The following ZNRF1 variants were observed in gnomAD, a reference collection of about 807,000 sequenced individuals.
ZNRF1 encodes the protein zinc and ring finger 1.
In ZNRF1, 3 loss-of-function variants were observed where a neutral mutation model predicts 18.4. The observed-to-expected ratio is 0.16, with a 90% confidence interval of 0.07 to 0.42. The LOEUF (loss-of-function observed/expected upper bound fraction) is 0.42, where lower values mean the gene tolerates loss of function less well. Ranked by LOEUF, ZNRF1 falls within the 10% of genes least tolerant of loss-of-function variation. ZNRF1 has a pLI of 0.99. For missense variants in ZNRF1, 310 were observed against 329.8 expected (o/e 0.94, Z 0.47); for synonymous variants, 157 against 144.2 (o/e 1.09, Z -0.64).
intron 2 of ZNRF1, chr16:75,095,854 A>G (rs1037108550): frequency 3.9e-6 from 4 of 1,027,886 alleles, no homozygotes; most frequent in Non-Finnish European, 5.2e-6. Flanking sequence ...CTGTTGGTTT[A>G]CCCCCCTACA....
In ZNRF1 at chr16:75,109,555, AAAG is replaced by A. The variant is rs542206414; in HGVS notation, c.*1860_*1862del. 1,251 of 152,976 alleles carry A rather than the reference AAAG, an allele frequency of 8.2e-3. 8 individuals carry two copies. The highest frequency in any genetic ancestry group is 0.012 in the Non-Finnish European group (788 of 68,288). The allele number at this position is 152,976 out of a possible 1,614,324, so 9.5% of individuals were successfully genotyped here. A position where few individuals can be genotyped will look rare whatever the true frequency, so the allele number is the denominator to read the frequency against. ...GAGCCAGGGCCAGCGGAGAAACACT[AAAG>A]AAGACTCGGTGGTTCAGAGCCTGGG... On this transcript the variant is annotated 3_prime_UTR_variant, in exon 5 of 5. Transcript: ENST00000335325.
intron 1 of ZNRF1, among the ~76,000 whole-genome samples, chr16:75,035,378 T>C (rs1175043847): frequency 6.6e-6 from 1 of 152,176 alleles, no homozygotes; most frequent in East Asian, 1.9e-4. Flanking sequence ...ATTTTTCTCT[T>C]TTTTGAGACA....
At chr16:75,003,180 T>G (rs927286130) in intron 1 of ZNRF1, among the ~76,000 whole-genome samples, 1 of 152,248 alleles carries the variant, frequency 6.6e-6, no homozygotes, top group African/African-American at 2.4e-5. Context: ...CAGGCTGGTC[T>G]CAAACTCCCG....
chr16:75,091,814 G>A (rs1476343972), intron 1 of ZNRF1, among the ~76,000 whole-genome samples: 8 of 151,968 alleles, frequency 5.3e-5, no homozygotes, highest in Non-Finnish European at 1.2e-4. Flanking sequence ...TGGAATTACA[G>A]GCATGCACGA....
chr16:75,067,613 T>C (rs2035821732), intron 1 of ZNRF1, among the ~76,000 whole-genome samples: 1 of 152,030 alleles, frequency 6.6e-6, no homozygotes, highest in African/African-American at 2.4e-5. Flanking sequence ...AAACAGGTAA[T>C]AGACAAATGA....
In ZNRF1 at chr16:75,110,029, C is replaced by A. The variant is rs1163370876; in HGVS notation, c.*2329C>A. Reference sequence around the variant, plus strand: ...CCGCCTTGGCGGCTTAAGCCTGCTGCTTTGGCAGTGCCATGGGTGAGCCGA... The same window carrying A: ...CCGCCTTGGCGGCTTAAGCCTGCTGATTTGGCAGTGCCATGGGTGAGCCGA... On this transcript the variant is annotated 3_prime_UTR_variant, in exon 5 of 5. Coordinates refer to ENST00000335325, the MANE Select transcript of ZNRF1 (RefSeq NM_032268.5). 6.6e-6 allele frequency: 1 copy of A among 152,460 alleles called. No homozygotes were observed. Among genetic ancestry groups the A allele is most frequent in the Non-Finnish European group, 1.5e-5 (1 of 68,206 alleles). 9.4% of individuals were successfully genotyped at this position (152,460 alleles called of 1,614,324 possible). A position where few individuals can be genotyped will look rare whatever the true frequency, so the allele number is the denominator to read the frequency against.
chr16:75,088,624 G>A (rs946690489), intron 1 of ZNRF1, among the ~76,000 whole-genome samples: 3 of 152,178 alleles, frequency 2.0e-5, no homozygotes, highest in South Asian at 2.1e-4. Context: ...CACAGCACAC[G>A]AGCAAGAGCG....
intron 1 of ZNRF1, among the ~76,000 whole-genome samples, chr16:75,048,877 C>T (rs1231232588): frequency 2.0e-5 from 3 of 152,148 alleles, no homozygotes; most frequent in East Asian, 3.8e-4. Context: ...ATAATCCTTA[C>T]ATTCATTGAA....
At chr16:75,073,436 T>A (rs2035898823) in intron 1 of ZNRF1, among the ~76,000 whole-genome samples, 1 of 152,058 alleles carries the variant, frequency 6.6e-6, no homozygotes, top group African/African-American at 2.4e-5. Flanking sequence ...ATTCATACAT[T>A]GATCTGTTTT....
At chr16:75,093,513 T>G in intron 1 of ZNRF1, 59 bp from the exon 2 acceptor site, 2 of 1,326,022 alleles carry the variant, frequency 1.5e-6, no homozygotes, top group Non-Finnish European at 2.2e-6. Context: ...AGTGTCCACA[T>G]GTACTGTGGA....
intron 1 of ZNRF1, among the ~76,000 whole-genome samples, chr16:75,060,194 C>T (rs1192044278): frequency 6.6e-6 from 1 of 151,784 alleles, no homozygotes; most frequent in African/African-American, 2.4e-5. Context: ...GCTGGAACTA[C>T]AGGCGCGCAT....
chr16:75,064,511 G>A (rs1187738680), intron 1 of ZNRF1, among the ~76,000 whole-genome samples: 2 of 151,324 alleles, frequency 1.3e-5, no homozygotes, highest in East Asian at 1.9e-4. Flanking sequence ...AGCCAAGATC[G>A]TGCCATTGCA....
chr16:75,008,560 TCTGA>T (rs2034953858), intron 1 of ZNRF1, among the ~76,000 whole-genome samples: 1 of 152,214 alleles, frequency 6.6e-6, no homozygotes. Context: ...TTTCCTTTTC[TCTGA>T]CTGACCCAAA....
At chr16:75,005,707 G>A (rs2034908389) in intron 1 of ZNRF1, among the ~76,000 whole-genome samples, 1 of 152,026 alleles carries the variant, frequency 6.6e-6, no homozygotes, top group Non-Finnish European at 1.5e-5. Context: ...TTATAAATTA[G>A]GCACAATAAA....
intron 1 of ZNRF1, among the ~76,000 whole-genome samples, chr16:75,089,296 A>G (rs902025244): frequency 6.6e-6 from 1 of 151,936 alleles, no homozygotes; most frequent in Admixed American, 6.6e-5. Flanking sequence ...TTTAATAGAG[A>G]CGGGGTCTCC....
rs572596765 is a variant in ZNRF1 at position 75,021,812 on chromosome 16, ATCTGT to A, written c.424+21719_424+21723del. ...TTCCGGATTTAATTTATTTTTATAC[ATCTGT>A]TTGCTATTTGTCCTTGAATATCAAA... On this transcript the variant is annotated intron_variant, in intron 1 of 4. Transcript: ENST00000335325. 4.7e-3 allele frequency among the ~76,000 whole-genome samples: 710 copies of A among 152,266 alleles called. 3 individuals are homozygous for A. Among genetic ancestry groups the A allele is most frequent in the South Asian group, 0.027 (129 of 4,828 alleles).
intron 1 of ZNRF1, among the ~76,000 whole-genome samples, chr16:75,013,440 G>A (rs986352127): frequency 2.6e-5 from 4 of 151,506 alleles, no homozygotes; most frequent in South Asian, 2.1e-4. Flanking sequence ...TCTGCCTCCC[G>A]GGTTCAAGCG....
rs1363475782 is a variant in ZNRF1 at position 75,096,059 on chromosome 16, CACGTGTGTGTGTGTGT to C, written c.520+2393_520+2408del. On this transcript the variant is annotated intron_variant, in intron 2 of 4. Transcript: ENST00000335325. ...GGGTGCATGTGTTTCTGTATGTGTG[CACGTGTGTGTGTGTGT>C]GTGTGTGTGTGTGTGTGTGTGTGTG... Among the ~76,000 whole-genome samples the C allele has an allele frequency of 2.7e-4, 17 of 61,832 alleles. No individual in the cohort carries two copies. In the East Asian group the frequency reaches 0.013, roughly 48 times the overall value. The allele number at this position is 61,832 out of a possible 152,430, so 40.6% of individuals were successfully genotyped here.
chr16:75,059,362 C>T (rs950296401), intron 1 of ZNRF1, among the ~76,000 whole-genome samples: 2 of 151,022 alleles, frequency 1.3e-5, no homozygotes, highest in Admixed American at 6.6e-5. Context: ...ATTCTCCTGC[C>T]TCAGCCTCCC....
Sources: allele counts gnomAD v4.1 joint callset (sites outside exome capture counted in the v4.1 genomes callset), GRCh38; gene constraint gnomAD v4.1.1; transcripts MANE v1.5; gene names NCBI Gene and HGNC (gene_info 2026-07-23, HGNC 2026-07-21).